The following RGL1 variants were observed in gnomAD, a reference collection of about 807,000 sequenced individuals.
The protein encoded by RGL1 is ral guanine nucleotide dissociation stimulator-like 1.
In RGL1, 24 loss-of-function variants were observed where a neutral mutation model predicts 95.2. The ratio of observed to expected loss-of-function variants is 0.25; its 90% CI spans 0.18 to 0.35. The LOEUF is 0.35. Ranked by LOEUF, RGL1 falls within the 10% of genes least tolerant of loss-of-function variation. The probability of loss-of-function intolerance (pLI) is 1.00; values close to 1 mark genes in which losing one functional copy is unlikely to be tolerated. For missense variants in RGL1, 715 were observed against 936.3 expected, an observed-to-expected ratio of 0.76 and a Z score of 3.08; for synonymous variants, 329 against 344.9, an observed-to-expected ratio of 0.95 and a Z score of 0.51.
At chr1:183,736,767 T>G (rs1656964737) in intron 1 of RGL1, among the ~76,000 whole-genome samples, 1 of 152,136 alleles carries the variant, frequency 6.6e-6, no homozygotes, top group Admixed American at 6.5e-5. Context: ...AAATCTGAGT[T>G]GAGTTTGAAA....
At chr1:183,746,042 T>C (rs1657605697) in intron 2 of RGL1, among the ~76,000 whole-genome samples, 1 of 150,686 alleles carries the variant, frequency 6.6e-6, no homozygotes, top group African/African-American at 2.4e-5. Context: ...TTTTGCTAAG[T>C]GCTTATTTTT....
chr1:183,846,930 G>C (rs978960910), intron 2 of RGL1, among the ~76,000 whole-genome samples: 3 of 152,102 alleles, frequency 2.0e-5, no homozygotes, highest in African/African-American at 7.2e-5. Context: ...CAAAGGGAAT[G>C]CTTGCTAAAC....
intron 2 of RGL1, among the ~76,000 whole-genome samples, chr1:183,838,640 C>T (rs1663827504): frequency 6.6e-6 from 1 of 152,114 alleles, no homozygotes; most frequent in South Asian, 2.1e-4. Context: ...GGTGTAATTC[C>T]CTTCTTCTAT....
intron 2 of RGL1, among the ~76,000 whole-genome samples, chr1:183,822,055 G>A (rs1462776353): frequency 6.6e-6 from 1 of 152,076 alleles, no homozygotes; most frequent in Admixed American, 6.5e-5. Context: ...CTGTACTTTT[G>A]GCTGGGTTCT....
chr1:183,669,619 T>G (rs1652301857), intron 1 of RGL1, among the ~76,000 whole-genome samples: 1 of 152,250 alleles, frequency 6.6e-6, no homozygotes, highest in Non-Finnish European at 1.5e-5. Context: ...TAAAAAGAAC[T>G]GCAGTAAATA....
At chr1:183,695,525 T>C (rs1203710871) in intron 1 of RGL1, among the ~76,000 whole-genome samples, 1 of 152,226 alleles carries the variant, frequency 6.6e-6, no homozygotes, top group Non-Finnish European at 1.5e-5. Flanking sequence ...ATGAGGGCTA[T>C]GGAATGTATA....
At chr1:183,686,155 A>C (rs1322509881) in intron 1 of RGL1, among the ~76,000 whole-genome samples, 1 of 152,178 alleles carries the variant, frequency 6.6e-6, no homozygotes, top group Admixed American at 6.5e-5. Flanking sequence ...CATTATTTTC[A>C]GAAGTCATTC....
chr1:183,648,104 T>A (rs746050626), intron 1 of RGL1: 9 of 1,614,146 alleles, frequency 5.6e-6, no homozygotes, highest in African/African-American at 1.3e-5. Context: ...TGATTTCATA[T>A]GCGTTGTGCC....
intron 1 of RGL1, among the ~76,000 whole-genome samples, chr1:183,651,832 C>A (rs1264399725): frequency 1.3e-5 from 2 of 152,226 alleles, no homozygotes; most frequent in African/African-American, 4.8e-5. Context: ...AACCTGACGC[C>A]ATTTCCTGCT....
intron 1 of RGL1, among the ~76,000 whole-genome samples, chr1:183,700,666 C>T (rs1572294326): frequency 6.6e-6 from 1 of 151,948 alleles, no homozygotes; most frequent in East Asian, 1.9e-4. Context: ...CTGCCTCAGC[C>T]TCCTGAGTTG....
rs753600837 is a variant in RGL1, at chr1:183,907,063, G to C, written c.1524G>C (p.Ser508=). 1.9e-6 allele frequency: 3 copies of C among 1,612,170 alleles called. No individual in the cohort carries two copies. In the East Asian group the frequency reaches 6.7e-5, roughly 36 times the overall value. The change falls in exon 14 of 18, where the codon TCG becomes TCC. Residue 508 remains serine (S), a synonymous_variant. Transcript: ENST00000360851. ...CAGCTGCTGACGCCAGCACCACCTC[G>C]CCCAAGCCTCGGAAGAGCATGGTGA... is the stretch of plus-strand genomic sequence containing the variant. ...IEAAADASTT[S]PKPRKSMVKR...
intron 1 of RGL1, among the ~76,000 whole-genome samples, chr1:183,716,480 C>T (rs570393505): frequency 2.6e-5 from 4 of 152,230 alleles, no homozygotes; most frequent in Non-Finnish European, 5.9e-5. Context: ...ATGTTGTCTT[C>T]ATCTCAACCA....
chr1:183,775,245 C>T (rs1367663876), intron 2 of RGL1, among the ~76,000 whole-genome samples: 1 of 152,206 alleles, frequency 6.6e-6, no homozygotes, highest in Non-Finnish European at 1.5e-5. Context: ...ATTCCATCTT[C>T]TAATGCTATT....
intron 2 of RGL1, among the ~76,000 whole-genome samples, chr1:183,843,186 ATGAT>A (rs1362143363): frequency 6.6e-6 from 1 of 152,230 alleles, no homozygotes; most frequent in Non-Finnish European, 1.5e-5. Flanking sequence ...TTGTGTGAGA[ATGAT>A]TGTAGGCACA....
chr1:183,688,023 C>T (rs1653718313), intron 1 of RGL1, among the ~76,000 whole-genome samples: 1 of 152,038 alleles, frequency 6.6e-6, no homozygotes, highest in African/African-American at 2.4e-5. Flanking sequence ...GGCCACATGA[C>T]CTTGGATGTC....
At chr1:183,726,112 TGAAAA>T (rs1417777214) in intron 1 of RGL1, among the ~76,000 whole-genome samples, 2 of 151,972 alleles carry the variant, frequency 1.3e-5, no homozygotes, top group African/African-American at 4.8e-5. Flanking sequence ...TGGGGGTAAA[TGAAAA>T]GAAGACACAC....
chr1:183,842,829 T>C (rs1403580735), intron 2 of RGL1, among the ~76,000 whole-genome samples: 1 of 152,250 alleles, frequency 6.6e-6, no homozygotes, highest in Non-Finnish European at 1.5e-5. Flanking sequence ...GTTACTAAGA[T>C]AATATAAGCA....
In RGL1 at chr1:183,812,360, A is replaced by G. The variant is rs1378601385; in HGVS notation, c.138+5875A>G. On this transcript the variant is annotated intron_variant, in intron 2 of 17. Coordinates refer to ENST00000360851, the MANE Select transcript of RGL1 (RefSeq NM_001297671.3). ...TTTGGAGTTCTTTGGAGATTTTGGC[A>G]GTTTCTGGGTCATTTGCTAGTAAAC... Among the ~76,000 whole-genome samples the G allele has an allele frequency of 5.9e-5, 9 of 152,220 alleles. No individual in the cohort carries two copies. In the East Asian group the frequency reaches 1.5e-3, roughly 26 times the overall value.
intron 1 of RGL1, among the ~76,000 whole-genome samples, chr1:183,649,008 G>A (rs553815926): frequency 3.3e-5 from 5 of 152,310 alleles, no homozygotes; most frequent in South Asian, 2.1e-4. Context: ...AGAGAAAGGC[G>A]TTCTTCAACT....
Sources: allele counts gnomAD v4.1 joint callset (sites outside exome capture counted in the v4.1 genomes callset), GRCh38; gene constraint gnomAD v4.1.1; transcripts MANE v1.5; gene names NCBI Gene and HGNC (gene_info 2026-07-23, HGNC 2026-07-21).